The following GLOD4 variants were observed in gnomAD, a reference collection of about 807,000 sequenced individuals.
GLOD4 encodes the protein glyoxalase domain containing 4, also known as glyoxalase domain-containing protein 4.
Under a neutral mutation model 39.1 loss-of-function variants are expected in GLOD4, and 44 were observed. That is an observed-to-expected ratio of 1.13 (90% CI 0.88 to 1.45). The LOEUF is 1.45. GLOD4 is among the 40% of genes most tolerant of loss of function. The probability of loss-of-function intolerance (pLI) is 0.00; values close to 1 mark genes in which losing one functional copy is unlikely to be tolerated. For synonymous variants in GLOD4, 145 were observed against 135.0 expected (o/e 1.07, Z -0.52); for missense variants, 405 against 366.4 (o/e 1.11, Z -0.86).
At position 770,540 on chromosome 17, in the gene GLOD4, A is replaced by T. The variant is rs772456804; in HGVS notation, c.544-33T>A. On this transcript the variant is annotated intron_variant, in intron 5 of 8. Transcript: ENST00000301329. Reference sequence around the variant, plus strand: ...AGGAAAGGGGGTTATTTTTTGGAACAGGTTATACATTCATTACACGTATGT... The same window carrying T: ...AGGAAAGGGGGTTATTTTTTGGAACTGGTTATACATTCATTACACGTATGT... 1.4e-5 allele frequency: 13 copies of T among 962,200 alleles called. No homozygotes were observed. The South Asian group carries it at 1.7e-4, about 12-fold the overall frequency. The allele number at this position is 962,200 out of a possible 1,614,324, so 59.6% of individuals were successfully genotyped here.
At chr17:780,917 C>CTTTTTT (rs897931602) in intron 1 of GLOD4, among the ~76,000 whole-genome samples, 3 of 120,830 alleles carry the variant, frequency 2.5e-5, no homozygotes, top group African/African-American at 9.3e-5. Context: ...GGTGTTGAAT[C>CTTTTTT]TTTTTTTTTT....
At chr17:762,202 T>G (rs1339282217) in intron 8 of GLOD4, among the ~76,000 whole-genome samples, 2 of 152,088 alleles carry the variant, frequency 1.3e-5, no homozygotes, top group Non-Finnish European at 2.9e-5. Flanking sequence ...AATTTAAGGA[T>G]GAGGAGAAAT....
intron 1 of GLOD4, 39 bp from the exon 2 acceptor site, chr17:778,783 G>A (rs937387606): frequency 2.4e-6 from 3 of 1,246,256 alleles, no homozygotes; most frequent in Non-Finnish European, 3.5e-6. Flanking sequence ...AGTGTTGCTA[G>A]TACTGCTCAC....
intron 6 of GLOD4, 46 bp from the exon 7 acceptor site, chr17:770,203 C>A: frequency 9.9e-7 from 1 of 1,005,810 alleles, no homozygotes; most frequent in Non-Finnish European, 1.6e-6. Flanking sequence ...ACACACTACT[C>A]AGGACACGGC....
chr17:775,908 G>A lies in GLOD4; in HGVS notation c.273C>T (p.Leu91=), dbSNP rs754682367. ...CGTTGCTGACAGCCTGGCTAGAAGC[G>A]AGCGTGATTCCCTACAACAAACAAC... ...KLGNDFMGIT[L]ASSQAVSNAR... Residue 91 remains leucine (L), a synonymous_variant, in exon 4 of 9, where the codon CTC becomes CTT. Transcript: ENST00000301329. 5.0e-6 allele frequency: 8 copies of A among 1,612,938 alleles called. No individual in the cohort carries two copies. The highest frequency in any genetic ancestry group is 4.5e-5 in the East Asian group (2 of 44,878).
intron 1 of GLOD4, 157 bp downstream of exon 1, chr17:782,009 T>A (rs1409699181): frequency 2.7e-5 from 16 of 603,454 alleles, no homozygotes; most frequent in Middle Eastern, 4.4e-4. Flanking sequence ...CAACGGCAAC[T>A]CGCCACGCTC....
chr17:769,214 G>A (rs1597580360), intron 8 of GLOD4, among the ~76,000 whole-genome samples: 1 of 151,738 alleles, frequency 6.6e-6, no homozygotes, highest in African/African-American at 2.4e-5. Context: ...GAGCTGAGGG[G>A]GTCAGATGGA....
intron 8 of GLOD4, among the ~76,000 whole-genome samples, chr17:769,015 A>C (rs2144351698): frequency 6.6e-6 from 1 of 152,382 alleles, no homozygotes; most frequent in East Asian, 1.9e-4. Context: ...GGGTCAGTAA[A>C]AGGTTTTTAA....
chr17:763,147 C>T (rs189858853), intron 8 of GLOD4, among the ~76,000 whole-genome samples: 198 of 148,678 alleles, frequency 1.3e-3, no homozygotes, highest in African/African-American at 3.9e-3. Context: ...CACGCCACTG[C>T]ACTCCAGCCT....
At chr17:776,393 T>C (rs1908963919) in intron 3 of GLOD4, among the ~76,000 whole-genome samples, 1 of 152,244 alleles carries the variant, frequency 6.6e-6, no homozygotes. Flanking sequence ...TATAATGGCC[T>C]CTCTGCCTCC....
chr17:759,879 G>A lies in GLOD4; in HGVS notation c.*294C>T, dbSNP rs753948381. The A allele has an allele frequency of 8.0e-5, 27 of 338,134 alleles. No individual in the cohort carries two copies. The highest frequency in any genetic ancestry group is 1.8e-4 in the Admixed American group (4 of 22,654). 20.9% of individuals were successfully genotyped at this position (338,134 alleles called of 1,614,324 possible). On this transcript the variant is annotated 3_prime_UTR_variant, in exon 9 of 9. Coordinates refer to ENST00000301329, the MANE Select transcript of GLOD4 (RefSeq NM_016080.4). ...TCCCAACCAAAGTCATGTTCATGCC[G>A]CTGTCCTAGTCTGGACAATCATCTG...
rs776674660 is a variant in GLOD4, at chr17:775,766, T to C, written c.406+9A>G. ...AGACAGAGGCTTTTACTGGTTCTGG[T>C]ATAATTACCTGACTGAGGCAGACTG... is the stretch of plus-strand genomic sequence containing the variant. On this transcript the variant is annotated intron_variant, in intron 4 of 8. Coordinates refer to ENST00000301329, the MANE Select transcript of GLOD4 (RefSeq NM_016080.4). 3 of 1,612,118 alleles carry C rather than the reference T, an allele frequency of 1.9e-6. No individual in the cohort carries two copies. The highest frequency in any genetic ancestry group is 1.1e-5 in the South Asian group (1 of 91,012).
rs138108773 is a variant in GLOD4 at position 781,992 on chromosome 17, T to C, written c.90+174A>G. The C allele has an allele frequency of 2.5e-3, 1,514 of 594,176 alleles. 19 individuals are homozygous for C. Among genetic ancestry groups the C allele is most frequent in the African/African-American group, 0.025 (1,362 of 53,752 alleles). The allele number at this position is 594,176 out of a possible 1,614,324, so 36.8% of individuals were successfully genotyped here. ...GTGTTAGGCCCTTCTCCAAGGCCTA[T>C]GATCCCCAACGGCAACTCGCCACGC... On this transcript the variant is annotated intron_variant, in intron 1 of 8. Transcript: ENST00000301329.
upstream of GLOD4, chr17:783,047 TA>T (rs1181454161): frequency 3.9e-6 from 6 of 1,539,110 alleles, no homozygotes; most frequent in Non-Finnish European, 5.2e-6. Context: ...AGGATGTTGA[TA>T]GTTACCTGTT....
chr17:772,822 C>A (rs590789), intron 4 of GLOD4, among the ~76,000 whole-genome samples: 1 of 151,938 alleles, frequency 6.6e-6, no homozygotes, highest in Admixed American at 6.6e-5. Flanking sequence ...GGTGAAACCC[C>A]GTCTCTACTA....
At chr17:782,921 C>G (rs1379304374), upstream of GLOD4, among the ~76,000 whole-genome samples, 2 of 152,226 alleles carry the variant, frequency 1.3e-5, no homozygotes. Flanking sequence ...CTCCTGACCT[C>G]AGGTGATCCG....
intron 1 of GLOD4, among the ~76,000 whole-genome samples, chr17:781,418 T>C (rs1172157658): frequency 1.3e-5 from 2 of 152,138 alleles, no homozygotes; most frequent in Non-Finnish European, 2.9e-5. Context: ...TATATCAGGG[T>C]CATTTGCACC....
chr17:775,519 G>GT (rs1278239542), intron 4 of GLOD4, among the ~76,000 whole-genome samples: 1 of 152,178 alleles, frequency 6.6e-6, no homozygotes, highest in Admixed American at 6.5e-5. Flanking sequence ...AAGTAGTTGG[G>GT]TTTTCTGTTA....
intron 8 of GLOD4, 40 bp downstream of exon 8, chr17:769,829 C>G (rs766236555): frequency 1.7e-6 from 2 of 1,169,410 alleles, no homozygotes; most frequent in Non-Finnish European, 2.6e-6. Context: ...TGCCATCCCT[C>G]TCAGGCCCAT....
Sources: allele counts gnomAD v4.1 joint callset (sites outside exome capture counted in the v4.1 genomes callset), GRCh38; gene constraint gnomAD v4.1.1; transcripts MANE v1.5; gene names NCBI Gene and HGNC (gene_info 2026-07-23, HGNC 2026-07-21).